The following LSAMP variants were observed in gnomAD, a reference collection of about 807,000 sequenced individuals.
The protein encoded by LSAMP is limbic system associated membrane protein.
In LSAMP, 7 loss-of-function variants were observed where a neutral mutation model predicts 38.6. The ratio of observed to expected loss-of-function variants is 0.18; its 90% confidence interval spans 0.10 to 0.34. The LOEUF (loss-of-function observed/expected upper bound fraction) is 0.34. LSAMP is among the 10% of genes least tolerant of loss of function. The probability of loss-of-function intolerance (pLI) is 1.00; values close to 1 mark genes in which losing one functional copy is unlikely to be tolerated. For missense variants in LSAMP, 313 were observed against 420.0 expected (o/e 0.75, Z 2.23); for synonymous variants, 154 against 166.8 (o/e 0.92, Z 0.59).
intron 3 of LSAMP, among the ~76,000 whole-genome samples, chr3:115,935,566 C>T (rs1937671849): frequency 6.6e-6 from 1 of 152,130 alleles, no homozygotes; most frequent in Non-Finnish European, 1.5e-5. Context: ...TCTCTATTCT[C>T]CTGGGAAATG....
At chr3:116,103,485 A>AG (rs1262158183) in intron 1 of LSAMP, among the ~76,000 whole-genome samples, 1 of 149,718 alleles carries the variant, frequency 6.7e-6, no homozygotes, top group Non-Finnish European at 1.5e-5. Context: ...AAAAAAAAAA[A>AG]AAAGAAAGAC....
intron 1 of LSAMP, among the ~76,000 whole-genome samples, chr3:116,382,091 T>C (rs1314544577): frequency 6.6e-6 from 1 of 152,118 alleles, no homozygotes; most frequent in Non-Finnish European, 1.5e-5. Context: ...TGGAAGTCAG[T>C]GTGGCAAATT....
chr3:116,082,181 A>G (rs1023093535), intron 2 of LSAMP, among the ~76,000 whole-genome samples: 1 of 152,230 alleles, frequency 6.6e-6, no homozygotes, highest in East Asian at 1.9e-4. Context: ...CCCAGGGCTC[A>G]AGCACATGAG....
At chr3:115,850,795 A>G (rs949723026) in intron 4 of LSAMP, among the ~76,000 whole-genome samples, 2 of 152,208 alleles carry the variant, frequency 1.3e-5, no homozygotes, top group Non-Finnish European at 2.9e-5. Context: ...AGAGGTCTGC[A>G]AGGCTGGAGA....
chr3:115,852,569 G>C lies in LSAMP; in HGVS notation c.563C>G (p.Thr188Ser). The C allele has an allele frequency of 1.2e-6, 2 of 1,613,878 alleles. No individual in the cohort carries two copies. The highest frequency in any genetic ancestry group is 1.7e-6 in the Non-Finnish European group (2 of 1,179,920). ...EEEYLEILGI[T>S]REQSGKYECK... ...CTCATATTTGCCTGACTGCTCCCTG[G>C]TGATGCCAAGGATCTCCAGATATTC... is the stretch of plus-strand genomic sequence containing the variant. The change falls in exon 4 of 7, where the codon ACC (threonine) becomes AGC (serine). Residue 188 changes from threonine (T) to serine (S), a missense_variant. By Grantham distance (58) the Thr-to-Ser change is moderately conservative. Transcript: ENST00000490035.
chr3:116,383,191 G>A lies in LSAMP; in HGVS notation c.155+61686C>T, dbSNP rs187440642. On this transcript the variant is annotated intron_variant, in intron 1 of 6. Transcript: ENST00000490035. ...TAGGAGAAAGTTTGGAGGCAACAGT[G>A]TTACCTTGCTATGTATAATACTTTG... 2.3e-3 allele frequency among the ~76,000 whole-genome samples: 355 copies of A among 152,202 alleles called. 2 individuals are homozygous for A. The highest frequency in any genetic ancestry group is 4.0e-3 in the Non-Finnish European group (270 of 67,988).
At chr3:116,116,085 CTATAATA>C (rs1708737983) in intron 1 of LSAMP, among the ~76,000 whole-genome samples, 1 of 148,148 alleles carries the variant, frequency 6.8e-6, no homozygotes, top group Non-Finnish European at 1.5e-5. Context: ...TGGACTGGTC[CTATAATA>C]TATTTTTTTC....
intron 1 of LSAMP, among the ~76,000 whole-genome samples, chr3:116,364,018 C>T (rs10470305): frequency 1.3e-4 from 3 of 23,894 alleles, no homozygotes; most frequent in African/African-American, 2.7e-4. Flanking sequence ...CCAGGGCAAT[C>T]AGGCAGGAGA....
intron 3 of LSAMP, among the ~76,000 whole-genome samples, chr3:115,868,393 A>C (rs1935920885): frequency 6.6e-6 from 1 of 152,122 alleles, no homozygotes; most frequent in South Asian, 2.1e-4. Flanking sequence ...GCCATTGAGA[A>C]ATCTATCCCT....
At chr3:115,883,991 G>A (rs1053104259) in intron 3 of LSAMP, among the ~76,000 whole-genome samples, 1 of 151,986 alleles carries the variant, frequency 6.6e-6, no homozygotes, top group African/African-American at 2.4e-5. Context: ...TGTATGATTA[G>A]GATATAATTA....
intron 3 of LSAMP, among the ~76,000 whole-genome samples, chr3:115,993,737 G>A (rs1939738560): frequency 1.3e-5 from 2 of 151,940 alleles, no homozygotes; most frequent in Admixed American, 6.6e-5. Flanking sequence ...TGTGGTATCT[G>A]TATAAAATAT....
chr3:116,078,916 A>T (rs193257630), intron 2 of LSAMP, among the ~76,000 whole-genome samples: 10 of 152,202 alleles, frequency 6.6e-5, no homozygotes, highest in South Asian at 2.1e-4. Flanking sequence ...ACCAACATGA[A>T]GATGCTAAGT....
chr3:116,090,387 A>G (rs1426248437), intron 1 of LSAMP, among the ~76,000 whole-genome samples: 1 of 152,196 alleles, frequency 6.6e-6, no homozygotes, highest in East Asian at 1.9e-4. Context: ...CCAGGTTCCC[A>G]GCATTCACTG....
At chr3:116,156,454 C>G (rs1337395797) in intron 1 of LSAMP, among the ~76,000 whole-genome samples, 1 of 151,974 alleles carries the variant, frequency 6.6e-6, no homozygotes, top group Non-Finnish European at 1.5e-5. Context: ...ATTAGGTGAA[C>G]AGCATGACAT....
intron 1 of LSAMP, 60 bp downstream of exon 1, chr3:116,444,811 AACACAC>A (rs59857062): frequency 3.4e-4 from 240 of 713,326 alleles, no homozygotes; most frequent in African/African-American, 4.2e-4. Flanking sequence ...CACACACACA[AACACAC>A]ACACACACAC....
At chr3:116,403,390 G>A (rs866950109) in intron 1 of LSAMP, among the ~76,000 whole-genome samples, 13 of 151,832 alleles carry the variant, frequency 8.6e-5, no homozygotes, top group African/African-American at 3.1e-4. Context: ...TCATCTTAAG[G>A]GTTTGCTTTT....
In LSAMP at chr3:116,043,712, G is replaced by A. The variant is rs547848894; in HGVS notation, c.389-24072C>T. Reference sequence around the variant, plus strand: ...TGTAATCCCAGCACTTTGGGAGGCCGAGGCAGGCGGATCACGAGGTCAGGA... The same window carrying A: ...TGTAATCCCAGCACTTTGGGAGGCCAAGGCAGGCGGATCACGAGGTCAGGA... On this transcript the variant is annotated intron_variant, in intron 2 of 6. Coordinates refer to ENST00000490035, the MANE Select transcript of LSAMP (RefSeq NM_002338.5). Among the ~76,000 whole-genome samples the A allele has an allele frequency of 8.8e-4, 134 of 152,288 alleles. 2 individuals carry two copies. In the South Asian group the frequency reaches 0.027, roughly 31 times the overall value.
At chr3:116,220,185 A>AACACAG (rs1553714687) in intron 1 of LSAMP, among the ~76,000 whole-genome samples, 114 of 141,462 alleles carry the variant, frequency 8.1e-4, no homozygotes, top group African/African-American at 2.9e-3. Context: ...TCCATCTCAA[A>AACACAG]ACACACACAC....
chr3:116,444,808 AC>A (rs1559870721), intron 1 of LSAMP, 68 bp downstream of exon 1: 30,859 of 1,101,602 alleles, frequency 0.028, 54 homozygotes, highest in South Asian at 0.047. Context: ...ACACACACAC[AC>A]AAACACACAC....
Sources: allele counts gnomAD v4.1 joint callset (sites outside exome capture counted in the v4.1 genomes callset), GRCh38; gene constraint gnomAD v4.1.1; transcripts MANE v1.5; gene names NCBI Gene and HGNC (gene_info 2026-07-23, HGNC 2026-07-21).